SF3B1: variants seen among roughly 807,000 people sequenced by gnomAD.
SF3B1 encodes the protein pre-mRNA processing 10.
SF3B1 carries 12 observed loss-of-function variants against 153.8 expected under a neutral mutation model. The ratio of observed to expected loss-of-function variants is 0.08; its 90% CI spans 0.05 to 0.13. SF3B1 has a LOEUF of 0.13. SF3B1 is among the 10% of genes least tolerant of loss of function. The probability of loss-of-function intolerance (pLI) is 1.00; values close to 1 mark genes in which losing one functional copy is unlikely to be tolerated. For missense variants in SF3B1, 513 were observed against 1,606.1 expected (o/e 0.32, Z 11.63); for synonymous variants, 498 against 525.2 (o/e 0.95, Z 0.71).
At chr2:197,399,122 C>CT in intron 20 of SF3B1, 2 of 1,252,270 alleles carry the variant, frequency 1.6e-6, no homozygotes, top group Non-Finnish European at 2.1e-6. Context: ...CTCCATTGCT[C>CT]TTCCCATGCC....
At chr2:197,427,614 AT>A (rs2085354925) in intron 1 of SF3B1, among the ~76,000 whole-genome samples, 1 of 152,246 alleles carries the variant, frequency 6.6e-6, no homozygotes, top group Admixed American at 6.5e-5. Flanking sequence ...TTCAAAATAA[AT>A]AAAAAGGTGG....
intron 1 of SF3B1, among the ~76,000 whole-genome samples, chr2:197,431,436 G>A (rs1363512566): frequency 6.6e-6 from 1 of 152,000 alleles, no homozygotes; most frequent in Non-Finnish European, 1.5e-5. Context: ...TTCTTTCTAA[G>A]CCTTAGATCC....
chr2:197,429,619 A>G (rs2085394363), intron 1 of SF3B1, among the ~76,000 whole-genome samples: 1 of 152,052 alleles, frequency 6.6e-6, no homozygotes, highest in Non-Finnish European at 1.5e-5. Context: ...CCCCATCTCT[A>G]CTAAAAATAC....
intron 6 of SF3B1, among the ~76,000 whole-genome samples, chr2:197,411,933 T>C (rs2085074455): frequency 6.6e-6 from 1 of 151,508 alleles, no homozygotes; most frequent in South Asian, 2.1e-4. Flanking sequence ...CCATCTCTAC[T>C]AAAAATAAAA....
chr2:197,408,231 A>G, intron 8 of SF3B1, 112 bp from the exon 9 acceptor site: 1 of 1,294,732 alleles, frequency 7.7e-7, no homozygotes, highest in Non-Finnish European at 1.1e-6. Flanking sequence ...TATATTATAA[A>G]CGCAAACCAA....
chr2:197,402,360 A>T lies in SF3B1; in HGVS notation c.2077+196T>A. On this transcript the variant is annotated intron_variant, in intron 14 of 24. Coordinates refer to ENST00000335508, the MANE Select transcript of SF3B1 (RefSeq NM_012433.4). This position sits in a 1 kb window ranked among gnomAD's most constrained non-coding sequence, Gnocchi z 4.6. ...CTATGCCTTTCCATTTATCTCCCCA[A>T]ATCAGTAGCCCAAATTTTAGGACAG... 1.4e-6 allele frequency: 1 copy of T among 701,798 alleles called. No individual in the cohort carries two copies. Among genetic ancestry groups the T allele is most frequent in the Non-Finnish European group, 2.3e-6 (1 of 431,336 alleles). 43.5% of individuals were successfully genotyped at this position (701,798 alleles called of 1,614,324 possible).
intron 23 of SF3B1, among the ~76,000 whole-genome samples, chr2:197,394,132 C>T (rs918891148): frequency 2.0e-5 from 3 of 151,658 alleles, no homozygotes; most frequent in Admixed American, 6.6e-5. Context: ...TGCAGTGAGT[C>T]GAGATTGTGC....
At position 197,411,330 on chromosome 2, in the gene SF3B1, C is replaced by T. The variant is rs551096231; in HGVS notation, c.667-1323G>A. 3.6e-3 allele frequency among the ~76,000 whole-genome samples: 549 copies of T among 152,288 alleles called. 3 individuals carry two copies. The highest frequency in any genetic ancestry group is 0.012 in the South Asian group (60 of 4,828). ...CAAAATTTGTACTTATATACTGCCT[C>T]GTAAGTATTCCACAGGATGTGTAAT... is the stretch of plus-strand genomic sequence containing the variant. On this transcript the variant is annotated intron_variant, in intron 6 of 24. Transcript: ENST00000335508.
At chr2:197,414,402 T>C (rs1403022111) in intron 6 of SF3B1, among the ~76,000 whole-genome samples, 1 of 152,024 alleles carries the variant, frequency 6.6e-6, no homozygotes, top group African/African-American at 2.4e-5. Context: ...AGCACTACTA[T>C]AACACCCCAA....
intron 9 of SF3B1, among the ~76,000 whole-genome samples, chr2:197,406,105 G>T (rs1344488028): frequency 1.4e-5 from 2 of 143,114 alleles, no homozygotes; most frequent in Non-Finnish European, 1.5e-5. Flanking sequence ...TTTAAAGCTG[G>T]TAACAGACTT....
intron 6 of SF3B1, among the ~76,000 whole-genome samples, chr2:197,411,767 A>C (rs887244763): frequency 6.6e-6 from 1 of 152,050 alleles, no homozygotes; most frequent in Admixed American, 6.6e-5. Context: ...TGGTACCATT[A>C]AACAAGTTTA....
At chr2:197,432,017 CAGG>C (rs1190268675) in intron 1 of SF3B1, among the ~76,000 whole-genome samples, 1 of 152,026 alleles carries the variant, frequency 6.6e-6, no homozygotes, top group African/African-American at 2.4e-5. Context: ...TGTAGCTACT[CAGG>C]AGGCTGAAAT....
At chr2:197,410,561 C>A (rs543149947) in intron 6 of SF3B1, among the ~76,000 whole-genome samples, 1 of 146,088 alleles carries the variant, frequency 6.8e-6, no homozygotes. Context: ...GCTGGAGTGC[C>A]GGGGCATGAT....
intron 6 of SF3B1, among the ~76,000 whole-genome samples, chr2:197,411,514 CA>C (rs898614584): frequency 2.7e-5 from 4 of 150,832 alleles, no homozygotes; most frequent in South Asian, 2.1e-4. Context: ...TCTACTAATA[CA>C]AAAAAAATCA....
At chr2:197,422,571 T>A (rs1006339291) in intron 2 of SF3B1, among the ~76,000 whole-genome samples, 1 of 151,484 alleles carries the variant, frequency 6.6e-6, no homozygotes, top group Admixed American at 6.6e-5. Flanking sequence ...AAAAGAAATA[T>A]ACATCACCTA....
intron 9 of SF3B1, among the ~76,000 whole-genome samples, chr2:197,407,187 A>C (rs911994847): frequency 6.6e-6 from 1 of 152,232 alleles, no homozygotes; most frequent in Non-Finnish European, 1.5e-5. Context: ...TGACTTACAA[A>C]GTTATCTGGT....
intron 1 of SF3B1, among the ~76,000 whole-genome samples, chr2:197,428,933 T>G (rs2085380745): frequency 6.6e-6 from 1 of 151,344 alleles, no homozygotes; most frequent in Admixed American, 6.6e-5. Context: ...ATCACGCCAC[T>G]GCACTCCAGC....
rs1049290096 is a variant in SF3B1, at chr2:197,401,125, A to C, written c.2497-189T>G. 1.3e-5 allele frequency among the ~76,000 whole-genome samples: 2 copies of C among 152,226 alleles called. No individual in the cohort carries two copies. The highest frequency in any genetic ancestry group is 2.9e-5 in the Non-Finnish European group (2 of 68,032). ...CATCGAAAAATGAGTATAAGTTAACATGATTCAAGGTAAAACTGTGTCCAT... is the reference window on the plus strand; with the variant it reads ...CATCGAAAAATGAGTATAAGTTAACCTGATTCAAGGTAAAACTGTGTCCAT... On this transcript the variant is annotated intron_variant, in intron 17 of 24. Coordinates refer to ENST00000335508, the MANE Select transcript of SF3B1 (RefSeq NM_012433.4). The surrounding 1 kb of genome is among the most constrained non-coding windows in gnomAD (Gnocchi z 4.2).
rs375272421 is a variant in SF3B1 at position 197,402,725 on chromosome 2, G to C, written c.1908C>G (p.Ala636=). 6.2e-7 allele frequency: 1 copy of C among 1,614,064 alleles called. No homozygotes were observed. The highest frequency in any genetic ancestry group is 8.5e-7 in the Non-Finnish European group (1 of 1,179,996). The change falls in exon 14 of 25, where the codon GCC becomes GCG. Residue 636 remains alanine, a synonymous_variant. Transcript: ENST00000335508. This position sits in a 1 kb window ranked among gnomAD's most constrained non-coding sequence, Gnocchi z 4.6. ...NTTARAFAVV[A]SALGIPSLLP... is the part of the protein sequence containing the mutation. ...ATAAAGAAGGAATGCCCAGGGCAGA[G>C]GCTACAACAGCAAAAGCTCTAGCTG...
Sources: allele counts gnomAD v4.1 joint callset (sites outside exome capture counted in the v4.1 genomes callset), GRCh38; gene constraint gnomAD v4.1.1; non-coding constraint Gnocchi (gnomAD v3.1); transcripts MANE v1.5; gene names NCBI Gene and HGNC (gene_info 2026-07-23, HGNC 2026-07-21).